CEP350: variants seen among roughly 807,000 people sequenced by gnomAD.
CEP350 encodes the protein centrosome-associated protein 350.
In CEP350, 126 loss-of-function variants were observed where a neutral mutation model predicts 331.8. The observed-to-expected ratio is 0.38, with a 90% CI of 0.33 to 0.44. CEP350 has a LOEUF of 0.44. Ranked by LOEUF, CEP350 falls within the 20% of genes least tolerant of loss-of-function variation. The pLI, the probability that CEP350 is intolerant of heterozygous loss-of-function variation, is 1.00. For missense variants in CEP350, 3,406 were observed against 3,634.6 expected (o/e 0.94, Z 1.62); for synonymous variants, 1,200 against 1,259.5 (o/e 0.95, Z 1.00).
At chr1:180,055,835 T>C (rs1184638166) in intron 25 of CEP350, among the ~76,000 whole-genome samples, 1 of 152,040 alleles carries the variant, frequency 6.6e-6, no homozygotes, top group Non-Finnish European at 1.5e-5. Flanking sequence ...ATGAGCCACC[T>C]TACCCGGCCT....
Position 179,997,138 on chromosome 1 carries a change from A to C in CEP350, c.981A>C (p.Arg327Ser). 2 of 1,613,810 alleles carry C rather than the reference A, an allele frequency of 1.2e-6. No homozygotes were observed. The highest frequency in any genetic ancestry group is 1.7e-5 in the Admixed American group (1 of 59,998). ...NVDNSVTAKV[R>S]KVATAPPAPA... Reference sequence around the variant, plus strand: ...ATAACTCAGTAACAGCAAAAGTCAGAAAAGTGGCAACAGCACCACCTGCTC... The same window carrying C: ...ATAACTCAGTAACAGCAAAAGTCAGCAAAGTGGCAACAGCACCACCTGCTC... The change falls in exon 6 of 38, where the codon AGA becomes AGC. Residue 327 changes from arginine to serine, a missense_variant. Physicochemically the swap from Arg to Ser is moderately radical, Grantham distance 110. This residue lies in a region of CEP350 where 1,857 missense variants were observed against 1,909.2 expected (regional missense o/e 0.97). Transcript: ENST00000367607.
At chr1:180,041,064 C>A in intron 17 of CEP350, 74 bp from the exon 18 acceptor site, 1 of 1,052,496 alleles carries the variant, frequency 9.5e-7, no homozygotes, top group Non-Finnish European at 1.4e-6. Flanking sequence ...AGTAAGATAG[C>A]ATTGTGTGTG....
At chr1:180,106,309 A>C (rs963557746) in intron 37 of CEP350, among the ~76,000 whole-genome samples, 1 of 152,206 alleles carries the variant, frequency 6.6e-6, no homozygotes, top group South Asian at 2.1e-4. Context: ...CGTCTTTCTC[A>C]TATTAAGCCT....
chr1:180,019,724 A>G (rs1655196274), intron 11 of CEP350, among the ~76,000 whole-genome samples: 1 of 152,184 alleles, frequency 6.6e-6, no homozygotes, highest in Non-Finnish European at 1.5e-5. Context: ...TACCACCAAA[A>G]CATAATGTAC....
intron 6 of CEP350, among the ~76,000 whole-genome samples, chr1:180,002,199 C>T (rs551297017): frequency 1.3e-5 from 2 of 152,290 alleles, no homozygotes; most frequent in South Asian, 2.1e-4. Flanking sequence ...GTAGACTTGG[C>T]GCGGTGGCTC....
At chr1:180,098,840 G>A (rs990201550) in intron 36 of CEP350, 23 bp from the exon 37 acceptor site, 72 of 1,602,178 alleles carry the variant, frequency 4.5e-5, no homozygotes, top group Admixed American at 8.6e-5. Flanking sequence ...TTTGTGTTTC[G>A]TGTATTTGTC....
intron 23 of CEP350, among the ~76,000 whole-genome samples, 184 bp downstream of exon 23, chr1:180,053,350 T>C (rs1237818985): frequency 6.6e-6 from 1 of 152,244 alleles, no homozygotes; most frequent in African/African-American, 2.4e-5. Context: ...AATACAAACT[T>C]ATTTTTTGGA....
At chr1:180,104,180 T>G (rs1310685618) in intron 37 of CEP350, among the ~76,000 whole-genome samples, 3 of 151,002 alleles carry the variant, frequency 2.0e-5, no homozygotes, top group African/African-American at 7.3e-5. Flanking sequence ...CTGCTGGAAC[T>G]GATTCTTGAC....
chr1:180,004,600 C>G (rs1390380827), intron 7 of CEP350, among the ~76,000 whole-genome samples: 1 of 152,212 alleles, frequency 6.6e-6, no homozygotes, highest in Non-Finnish European at 1.5e-5. Flanking sequence ...TGTCTCCTCT[C>G]TTTCTCTTAA....
chr1:180,094,173 T>A lies in CEP350; in HGVS notation c.8068T>A (p.Phe2690Ile). The part of the protein sequence containing the change: ...AAEDDTLDNT[F>I]SEELEKQQQF... ...AGAAGATGACACTTTAGACAATACC[T>A]TTTCCGAAGAATTGGAGAAGCAACA... Residue 2690 changes from phenylalanine (F) to isoleucine (I), a missense_variant, in exon 34 of 38, where the codon TTT becomes ATT. Transcript: ENST00000367607. 6.2e-7 allele frequency: 1 copy of A among 1,613,410 alleles called. No homozygotes were observed. The highest frequency in any genetic ancestry group is 1.1e-5 in the South Asian group (1 of 90,976).
Position 180,095,551 on chromosome 1 carries a change from A to C in CEP350, c.8540A>C (p.Gln2847Pro), listed in dbSNP as rs1196192635. The C allele has an allele frequency of 6.2e-7, 1 of 1,613,924 alleles. No homozygotes were observed. Among genetic ancestry groups the C allele is most frequent in the Non-Finnish European group, 8.5e-7 (1 of 1,179,838 alleles). ...PESPVFGASG[Q>P]EELAKRLAEL... ...AGCCCAGTATTTGGTGCCAGTGGGC[A>C]GGAAGAACTTGCTAAGAGACTTGCT... The change falls in exon 35 of 38, where the codon CAG (glutamine) becomes CCG (proline). Residue 2847 changes from glutamine (Q) to proline (P), a missense_variant. Physicochemically the swap from Gln to Pro is moderately conservative, Grantham distance 76. Around this residue, in one of 5 missense-constraint regions of CEP350, gnomAD observed 1,415 missense variants for 1,512.3 expected, o/e 0.94. Coordinates refer to ENST00000367607, the MANE Select transcript of CEP350 (RefSeq NM_014810.5).
At chr1:180,048,737 T>G (rs980099113) in intron 22 of CEP350, 32 bp downstream of exon 22, 1 of 1,548,926 alleles carries the variant, frequency 6.5e-7, no homozygotes. Context: ...TGTGTAATCA[T>G]TTGTTCAGAA....
intron 22 of CEP350, among the ~76,000 whole-genome samples, chr1:180,049,922 A>G (rs993983522): frequency 1.3e-5 from 2 of 152,206 alleles, no homozygotes; most frequent in African/African-American, 4.8e-5. Context: ...CAGGCATTGA[A>G]TTGTGTTGAT....
At chr1:179,994,110 A>G (rs1558085398) in intron 5 of CEP350, among the ~76,000 whole-genome samples, 1 of 152,232 alleles carries the variant, frequency 6.6e-6, no homozygotes, top group South Asian at 2.1e-4. Context: ...AAAAATTTCA[A>G]ATTTACAGAA....
intron 31 of CEP350, among the ~76,000 whole-genome samples, chr1:180,086,839 T>G (rs1464001547): frequency 1.3e-5 from 2 of 152,256 alleles, no homozygotes; most frequent in African/African-American, 4.8e-5. Flanking sequence ...TTGACAAGCA[T>G]CCATCCATCC....
intron 17 of CEP350, among the ~76,000 whole-genome samples, chr1:180,037,290 T>G (rs1656423936): frequency 6.6e-6 from 1 of 152,200 alleles, no homozygotes; most frequent in Non-Finnish European, 1.5e-5. Flanking sequence ...AATAAAATCA[T>G]TCTCTCTCAA....
At chr1:180,045,821 TA>T (rs1657082364) in intron 21 of CEP350, among the ~76,000 whole-genome samples, 1 of 152,200 alleles carries the variant, frequency 6.6e-6, no homozygotes, top group Non-Finnish European at 1.5e-5. Context: ...AGGTCTAAAT[TA>T]TTTAGCCTGG....
intron 37 of CEP350, among the ~76,000 whole-genome samples, chr1:180,103,649 C>T (rs1053634265): frequency 6.6e-6 from 1 of 151,896 alleles, no homozygotes; most frequent in African/African-American, 2.4e-5. Context: ...CTTTAGACTC[C>T]TTGTGCTTAT....
At chr1:180,078,742 ATAT>A in intron 29 of CEP350, 68 bp downstream of exon 29, 1 of 1,312,402 alleles carries the variant, frequency 7.6e-7, no homozygotes, top group Non-Finnish European at 1.0e-6. Context: ...GTTAGCAGTT[ATAT>A]TATTGTAATT....
Sources: allele counts gnomAD v4.1 joint callset (sites outside exome capture counted in the v4.1 genomes callset), GRCh38; gene constraint gnomAD v4.1.1; regional missense constraint gnomAD v4.1.1; transcripts MANE v1.5; gene names NCBI Gene and HGNC (gene_info 2026-07-23, HGNC 2026-07-21).